Variants in MTHFD1L observed in about 807,000 individuals in gnomAD.
MTHFD1L encodes the protein methylenetetrahydrofolate dehydrogenase (NADP+ dependent) 1 like, also known as monofunctional C1-tetrahydrofolate synthase, mitochondrial.
Under a neutral mutation model 119.5 loss-of-function variants are expected in MTHFD1L, and 81 were observed. That is an observed-to-expected ratio of 0.68 (90% CI 0.57 to 0.82). MTHFD1L has a LOEUF of 0.82. MTHFD1L is among the 40% of genes least tolerant of loss of function. The pLI, the probability that MTHFD1L is intolerant of heterozygous loss-of-function variation, is 0.00. For missense variants in MTHFD1L, 1,125 were observed against 1,253.4 expected (o/e 0.90, Z 1.55); for synonymous variants, 430 against 475.2 (o/e 0.90, Z 1.24).
chr6:151,027,037 G>C (rs1380490822), intron 24 of MTHFD1L, among the ~76,000 whole-genome samples: 1 of 151,696 alleles, frequency 6.6e-6, no homozygotes, highest in East Asian at 1.9e-4. Context: ...CACCATGTTG[G>C]CCAGGATGGT....
At chr6:151,029,991 T>G (rs900826175) in intron 24 of MTHFD1L, among the ~76,000 whole-genome samples, 8 of 152,186 alleles carry the variant, frequency 5.3e-5, no homozygotes, top group Non-Finnish European at 8.8e-5. Flanking sequence ...TGAGTAACAG[T>G]ATCTTGTTTT....
At chr6:151,079,115 C>G (rs1380511231) in intron 26 of MTHFD1L, among the ~76,000 whole-genome samples, 1 of 152,154 alleles carries the variant, frequency 6.6e-6, no homozygotes, top group Non-Finnish European at 1.5e-5. Flanking sequence ...CCAGCAGAAA[C>G]AAGCTGCAGA....
At chr6:151,030,833 G>C (rs76944497) in intron 24 of MTHFD1L, among the ~76,000 whole-genome samples, 1,813 of 152,264 alleles carry the variant, frequency 0.012, 30 homozygotes, top group African/African-American at 0.04. Context: ...TGGTCCCGAG[G>C]CTCAAAGAGT....
intron 1 of MTHFD1L, among the ~76,000 whole-genome samples, chr6:150,874,508 T>C (rs1780071896): frequency 6.6e-6 from 1 of 152,222 alleles, no homozygotes; most frequent in Non-Finnish European, 1.5e-5. Context: ...GTTGATGGCA[T>C]TGGCTGGAAC....
At chr6:151,044,533 C>T (rs1324893778) in intron 26 of MTHFD1L, among the ~76,000 whole-genome samples, 1 of 151,904 alleles carries the variant, frequency 6.6e-6, no homozygotes, top group Non-Finnish European at 1.5e-5. Flanking sequence ...AAACTCCTGA[C>T]CTCGTGATTC....
chr6:150,938,709 G>A lies in MTHFD1L; in HGVS notation c.1404G>A (p.Ala468=), dbSNP rs541518987. The change falls in exon 13 of 28, where the codon GCG becomes GCA. Residue 468 remains alanine, a synonymous_variant. Transcript: ENST00000367321. ...TGCTCTGTTGTTTAGGAGGAGCCGC[G>A]GGTGGTGGATATGCCCAGGTCATCC... is the stretch of plus-strand genomic sequence containing the variant. ...GPTFGVKGGA[A]GGGYAQVIPM... is the part of the protein sequence containing the mutation. The A allele has an allele frequency of 2.0e-5, 33 of 1,610,696 alleles. No individual in the cohort carries two copies. The highest frequency in any genetic ancestry group is 9.3e-5 in the African/African-American group (7 of 74,952).
chr6:150,981,828 G>A (rs967618222), intron 20 of MTHFD1L, among the ~76,000 whole-genome samples: 1 of 152,224 alleles, frequency 6.6e-6, no homozygotes, highest in African/African-American at 2.4e-5. Flanking sequence ...GCTCATGCCT[G>A]TAATTCCACT....
At chr6:151,044,585 G>C (rs555929800) in intron 26 of MTHFD1L, among the ~76,000 whole-genome samples, 1 of 152,258 alleles carries the variant, frequency 6.6e-6, no homozygotes, top group African/African-American at 2.4e-5. Context: ...ACAGGAGTGA[G>C]CCACTGCGCC....
At chr6:151,074,906 T>C (rs1792341279) in intron 26 of MTHFD1L, among the ~76,000 whole-genome samples, 1 of 152,208 alleles carries the variant, frequency 6.6e-6, no homozygotes, top group Admixed American at 6.5e-5. Flanking sequence ...TCTCAGAATG[T>C]ACCCGTCTTT....
chr6:150,972,028 C>G lies in MTHFD1L; in HGVS notation c.2095C>G (p.Leu699Val), dbSNP rs778902192. 5 of 1,614,138 alleles carry G rather than the reference C, an allele frequency of 3.1e-6. No individual in the cohort carries two copies. The South Asian group carries it at 3.3e-5, about 11-fold the overall frequency. ...TTCAGTGTTGGCTGATAAAATTGCCCTGAAACTGGTTGGTGAAGAAGGATT... is the reference window on the plus strand; with the variant it reads ...TTCAGTGTTGGCTGATAAAATTGCCGTGAAACTGGTTGGTGAAGAAGGATT... ...NSSVLADKIA[L>V]KLVGEEGFVV... The change falls in exon 20 of 28, where the codon CTG becomes GTG. Residue 699 changes from leucine to valine, a missense_variant. Coordinates refer to ENST00000367321, the MANE Select transcript of MTHFD1L (RefSeq NM_015440.5).
intron 20 of MTHFD1L, among the ~76,000 whole-genome samples, chr6:150,972,507 A>C (rs1798114603): frequency 6.6e-6 from 1 of 152,238 alleles, no homozygotes. Flanking sequence ...CAAAACAGAT[A>C]GGCGCAGTGG....
intron 26 of MTHFD1L, among the ~76,000 whole-genome samples, chr6:151,086,081 TGA>T (rs1431586838): frequency 6.6e-6 from 1 of 152,134 alleles, no homozygotes; most frequent in African/African-American, 2.4e-5. Flanking sequence ...TCAGCCACCA[TGA>T]GAGAGAAGTA....
chr6:150,911,794 C>T (rs552750644), intron 8 of MTHFD1L, among the ~76,000 whole-genome samples: 1,998 of 152,186 alleles, frequency 0.013, 80 homozygotes, highest in Admixed American at 0.07. Context: ...TCTTACATGG[C>T]AGCAGCAAGA....
At chr6:151,087,250 AAAATAAATAAATAAATAAATAAAT>A (rs10684000) in intron 26 of MTHFD1L, among the ~76,000 whole-genome samples, 2 of 145,406 alleles carry the variant, frequency 1.4e-5, no homozygotes, top group African/African-American at 2.5e-5. Context: ...GGCCATCTCA[AAAATAAATAAATAAATAAATAAAT>A]AAATAAATAA....
intron 27 of MTHFD1L, 51 bp downstream of exon 27, chr6:151,092,638 A>G: frequency 8.6e-7 from 1 of 1,163,436 alleles, no homozygotes; most frequent in Non-Finnish European, 1.2e-6. Flanking sequence ...TCCAGTTCAT[A>G]TCCTTTTTTT....
At chr6:151,038,925 A>G (rs1224370948) in intron 26 of MTHFD1L, among the ~76,000 whole-genome samples, 1 of 152,144 alleles carries the variant, frequency 6.6e-6, no homozygotes, top group Non-Finnish European at 1.5e-5. Context: ...TTGAACAGAG[A>G]GAGCTCAGAG....
intron 27 of MTHFD1L, among the ~76,000 whole-genome samples, chr6:151,099,004 C>A (rs1425657204): frequency 6.6e-6 from 1 of 151,998 alleles, no homozygotes; most frequent in Non-Finnish European, 1.5e-5. Context: ...GGTGAAACCC[C>A]ATCTCTACTA....
At chr6:150,982,477 G>A (rs1255907408) in intron 20 of MTHFD1L, among the ~76,000 whole-genome samples, 1 of 152,160 alleles carries the variant, frequency 6.6e-6, no homozygotes, top group African/African-American at 2.4e-5. Context: ...GTGTTCTGCT[G>A]TTACAAATAA....
chr6:150,924,626 C>T (rs1789608469), intron 10 of MTHFD1L, among the ~76,000 whole-genome samples: 1 of 151,952 alleles, frequency 6.6e-6, no homozygotes, highest in Admixed American at 6.6e-5. Context: ...ACAGGTGCCA[C>T]CACCACACCT....
Sources: gnomAD v4.1 joint callset for allele counts (sites outside exome capture counted in the v4.1 genomes callset) on GRCh38, gnomAD v4.1.1 for gene constraint, MANE v1.5 for transcripts, NCBI Gene and HGNC (gene_info 2026-07-23, HGNC 2026-07-21) for gene names.